The following PLA2G4A variants were observed in gnomAD, a reference collection of about 807,000 sequenced individuals.
PLA2G4A encodes cytosolic phospholipase A2.
PLA2G4A carries 40 observed loss-of-function variants against 81.9 expected under a neutral mutation model. The observed-to-expected ratio is 0.49, with a 90% CI of 0.38 to 0.64. The LOEUF (loss-of-function observed/expected upper bound fraction) is 0.64. Among genes scored for constraint, PLA2G4A ranks in the 30% least tolerant of loss-of-function variants. The pLI, the probability that PLA2G4A is intolerant of heterozygous loss-of-function variation, is 0.00. For synonymous variants in PLA2G4A, 302 were observed against 296.9 expected, an observed-to-expected ratio of 1.02 and a Z score of -0.18; for missense variants, 715 against 905.1, an observed-to-expected ratio of 0.79 and a Z score of 2.69.
At chr1:186,930,438 G>A (rs1210920174) in intron 7 of PLA2G4A, among the ~76,000 whole-genome samples, 1 of 152,090 alleles carries the variant, frequency 6.6e-6, no homozygotes, top group Admixed American at 6.5e-5. Context: ...AGTATGTGTC[G>A]GGCTGTTGGC....
chr1:186,923,840 C>T (rs1377325380), intron 7 of PLA2G4A, among the ~76,000 whole-genome samples: 1 of 152,184 alleles, frequency 6.6e-6, no homozygotes, highest in Admixed American at 6.5e-5. Context: ...TTATTTGCAA[C>T]AATTATTTTC....
intron 3 of PLA2G4A, among the ~76,000 whole-genome samples, chr1:186,877,705 C>CAAAAAAAAAAAAA (rs58954006): frequency 1.2e-5 from 1 of 86,914 alleles, no homozygotes; most frequent in Non-Finnish European, 2.0e-5. Flanking sequence ...GGCTTACTCA[C>CAAAAAAAAAAAAA]AAAAAAAAAA....
intron 13 of PLA2G4A, among the ~76,000 whole-genome samples, chr1:186,952,708 C>CG (rs1656603915): frequency 5.6e-5 from 1 of 17,848 alleles, no homozygotes; most frequent in African/African-American, 3.6e-4. Context: ...TGTCTCCTGC[C>CG]CCGTCCCCTC....
At chr1:186,882,899 C>A (rs1014312883) in intron 3 of PLA2G4A, among the ~76,000 whole-genome samples, 6 of 152,048 alleles carry the variant, frequency 3.9e-5, no homozygotes, top group African/African-American at 1.4e-4. Context: ...GAAGAAAAGA[C>A]AACTCTCGTG....
Position 186,972,094 on chromosome 1 carries a change from C to G in PLA2G4A, c.1765-5499C>G, listed in dbSNP as rs370816742. 5.9e-5 allele frequency among the ~76,000 whole-genome samples: 9 copies of G among 152,174 alleles called. No homozygotes were observed. The East Asian group carries it at 1.2e-3, about 20-fold the overall frequency. On this transcript the variant is annotated intron_variant, in intron 15 of 17. Transcript: ENST00000367466. ...AGATCATGTCTTTTGATAAAAGCAA[C>G]CACAATTTATGTTGTTGTATCTGTG...
chr1:186,939,686 T>C lies in PLA2G4A; in HGVS notation c.919-294T>C, dbSNP rs569649638. 1.4e-3 allele frequency among the ~76,000 whole-genome samples: 217 copies of C among 152,256 alleles called. 2 individuals are homozygous for C. The highest frequency in any genetic ancestry group is 6.8e-3 in the Middle Eastern group (2 of 294). On this transcript the variant is annotated intron_variant, in intron 9 of 17. Transcript: ENST00000367466. ...GTTGAAGATAAAGCAGAGGAGCGCC[T>C]GTGACAGGGAGTCCAGGGGCTAAGT...
At chr1:186,964,961 G>A (rs1657082108) in intron 14 of PLA2G4A, among the ~76,000 whole-genome samples, 1 of 152,148 alleles carries the variant, frequency 6.6e-6, no homozygotes, top group African/African-American at 2.4e-5. Context: ...TGCCACCTTC[G>A]AGATGACTCT....
At chr1:186,843,336 T>C (rs775097767) in intron 1 of PLA2G4A, among the ~76,000 whole-genome samples, 6 of 152,242 alleles carry the variant, frequency 3.9e-5, no homozygotes, top group Admixed American at 1.3e-4. Flanking sequence ...ATTCTATAAA[T>C]GTAATCTACT....
chr1:186,949,932 AGGCTAAGGTGGAACGGTTGCTT>A (rs1656497238), intron 12 of PLA2G4A, among the ~76,000 whole-genome samples: 1 of 152,136 alleles, frequency 6.6e-6, no homozygotes, highest in Non-Finnish European at 1.5e-5. Flanking sequence ...GCTACTCAGG[AGGCTAAGGTGGAACGGTTGCTT>A]GAGCCCAGAG....
intron 1 of PLA2G4A, among the ~76,000 whole-genome samples, chr1:186,843,814 G>A (rs980364718): frequency 6.6e-6 from 1 of 152,114 alleles, no homozygotes; most frequent in African/African-American, 2.4e-5. Flanking sequence ...GCTCTTTCAC[G>A]TTTTCAAATG....
intron 3 of PLA2G4A, among the ~76,000 whole-genome samples, chr1:186,887,854 A>C (rs1219664332): frequency 6.6e-6 from 1 of 152,210 alleles, no homozygotes; most frequent in African/African-American, 2.4e-5. Flanking sequence ...TGATGGTTAT[A>C]GATTATGCAA....
At chr1:186,949,626 A>C (rs1656480748) in intron 12 of PLA2G4A, among the ~76,000 whole-genome samples, 1 of 152,172 alleles carries the variant, frequency 6.6e-6, no homozygotes, top group African/African-American at 2.4e-5. Context: ...ATGTATAATC[A>C]TGCCAGTAAA....
intron 10 of PLA2G4A, among the ~76,000 whole-genome samples, chr1:186,945,932 A>G (rs12720614): frequency 1.3e-5 from 2 of 152,172 alleles, no homozygotes; most frequent in African/African-American, 4.8e-5. Flanking sequence ...AAACAATCCT[A>G]CACACTATCT....
At chr1:186,858,260 C>T (rs1347745998) in intron 2 of PLA2G4A, among the ~76,000 whole-genome samples, 2 of 152,164 alleles carry the variant, frequency 1.3e-5, no homozygotes, top group Non-Finnish European at 2.9e-5. Flanking sequence ...ACATCCTCTC[C>T]AGAATCTGTT....
chr1:186,909,552 T>G (rs1341798874), intron 6 of PLA2G4A, among the ~76,000 whole-genome samples: 1 of 148,146 alleles, frequency 6.8e-6, no homozygotes, highest in Non-Finnish European at 1.5e-5. Context: ...CCCAGCTACT[T>G]GGGAGGCCGA....
At chr1:186,925,326 T>A (rs1209952898) in intron 7 of PLA2G4A, among the ~76,000 whole-genome samples, 1 of 152,250 alleles carries the variant, frequency 6.6e-6, no homozygotes, top group African/African-American at 2.4e-5. Context: ...TTGTCTTCCC[T>A]CTTCCCACTT....
chr1:186,894,396 A>G (rs1654262839), intron 5 of PLA2G4A, among the ~76,000 whole-genome samples, 185 bp downstream of exon 5: 1 of 152,156 alleles, frequency 6.6e-6, no homozygotes, highest in African/African-American at 2.4e-5. Context: ...TGACATCTAT[A>G]AACTTTGGTT....
In PLA2G4A at chr1:186,906,226, T is replaced by C. The variant is rs1010054546; in HGVS notation, c.379-739T>C. Among the ~76,000 whole-genome samples, 5 of 152,220 alleles carry C rather than the reference T, an allele frequency of 3.3e-5. No homozygotes were observed. In the South Asian group the frequency reaches 8.3e-4, roughly 25 times the overall value. ...TTCATAGCTAACGCCAGGGATAATA[T>C]TGAAAAGGCCTTTCTGTACAACAGA... On this transcript the variant is annotated intron_variant, in intron 5 of 17. Coordinates refer to ENST00000367466, the MANE Select transcript of PLA2G4A (RefSeq NM_024420.3).
At chr1:186,870,359 T>C (rs1653212515) in intron 2 of PLA2G4A, 76 bp from the exon 3 acceptor site, 1 of 863,150 alleles carries the variant, frequency 1.2e-6, no homozygotes, top group African/African-American at 1.7e-5. Flanking sequence ...AGTAGAATAT[T>C]TTAAATTAAT....
Sources: allele counts gnomAD v4.1 joint callset (sites outside exome capture counted in the v4.1 genomes callset), GRCh38; gene constraint gnomAD v4.1.1; transcripts MANE v1.5; gene names NCBI Gene and HGNC (gene_info 2026-07-23, HGNC 2026-07-21).